Variants in BRD9 observed in about 807,000 individuals in gnomAD.
BRD9 encodes the protein bromodomain-containing protein 9.
BRD9 carries 47 observed loss-of-function variants against 68.7 expected under a neutral mutation model. The ratio of observed to expected loss-of-function variants is 0.68; its 90% CI spans 0.54 to 0.87. The LOEUF (loss-of-function observed/expected upper bound fraction) is 0.87. Among genes scored for constraint, BRD9 ranks in the 40% least tolerant of loss-of-function variants. BRD9 has a pLI of 0.00. For synonymous variants in BRD9, 313 were observed against 293.9 expected, an observed-to-expected ratio of 1.06 and a Z score of -0.67; for missense variants, 670 against 748.4, an observed-to-expected ratio of 0.90 and a Z score of 1.22.
chr5:889,213 A>G, intron 4 of BRD9, 48 bp from the exon 5 acceptor site: 2 of 1,568,368 alleles, frequency 1.3e-6, no homozygotes, highest in African/African-American at 1.4e-5. Flanking sequence ...TTTCTAAATG[A>G]TACAAAATCT....
At chr5:880,701 A>G (rs1751607729) in intron 9 of BRD9, among the ~76,000 whole-genome samples, 1 of 152,196 alleles carries the variant, frequency 6.6e-6, no homozygotes. Context: ...CACTGTCCTG[A>G]CGTCATCATC....
intron 7 of BRD9, among the ~76,000 whole-genome samples, chr5:885,898 G>C (rs797015282): frequency 1.3e-5 from 2 of 152,230 alleles, no homozygotes; most frequent in Admixed American, 6.5e-5. Flanking sequence ...GGAATGACGT[G>C]TGATACGGAC....
At position 891,763 on chromosome 5, in the gene BRD9, G is replaced by T; in HGVS notation, c.144C>A (p.Asp48Glu). The T allele has an allele frequency of 6.4e-7, 1 of 1,551,642 alleles. No individual in the cohort carries two copies. The highest frequency in any genetic ancestry group is 8.7e-7 in the Non-Finnish European group (1 of 1,146,994). Residue 48 changes from aspartate to glutamate, a missense_variant, in exon 2 of 16, where the codon GAC becomes GAA. Physicochemically the swap from Asp to Glu is conservative, Grantham distance 45 (BLOSUM62 2). This residue lies in a region of BRD9 where 161 missense variants were observed against 148.1 expected (regional missense o/e 1.09). Transcript: ENST00000467963. Reference sequence around the variant, plus strand: ...CTGACCTGTCATCATAGTAACTGGAGTCGTGGCCGGATCCTGAGAGTTCAG... The same window carrying T: ...CTGACCTGTCATCATAGTAACTGGATTCGTGGCCGGATCCTGAGAGTTCAG... ...EVTELSGSGH[D>E]SSYYDDRSDH...
In BRD9 at chr5:875,973, C is replaced by T. The variant is rs117475434; in HGVS notation, c.1383+128G>A. ...GTGCAGAGAAGCACGCAGATCCTGA[C>T]GAGGAGCCGGCAGCAGAGTCCCTGC... is the stretch of plus-strand genomic sequence containing the variant. On this transcript the variant is annotated intron_variant, in intron 12 of 15. Coordinates refer to ENST00000467963, the MANE Select transcript of BRD9 (RefSeq NM_023924.5). 321 of 644,110 alleles carry T rather than the reference C, an allele frequency of 5.0e-4. 1 individual carries two copies. In the East Asian group the frequency reaches 7.9e-3, roughly 16 times the overall value. 39.9% of individuals were successfully genotyped at this position (644,110 alleles called of 1,614,324 possible).
intron 6 of BRD9, chr5:887,036 G>T: frequency 1.9e-6 from 1 of 520,022 alleles, no homozygotes; most frequent in Non-Finnish European, 3.4e-6. Flanking sequence ...GGCCAAGGAA[G>T]ACAAGGATGT....
rs1010126964 is a variant in BRD9 at position 892,563 on chromosome 5, C to T, written c.52+43G>A. 21 of 1,530,696 alleles carry T rather than the reference C, an allele frequency of 1.4e-5. No individual in the cohort carries two copies. In the African/African-American group the frequency reaches 2.0e-4, roughly 14 times the overall value. The allele number at this position is 1,530,696 out of a possible 1,614,324, so 94.8% of individuals were successfully genotyped here. On this transcript the variant is annotated intron_variant, in intron 1 of 15. Coordinates refer to ENST00000467963, the MANE Select transcript of BRD9 (RefSeq NM_023924.5). ...GTGCCCGGAACTCCTCCCCCGTGCC[C>T]GGGACCCCGCCCGCCGCGCGTCACA...
chr5:881,360 C>G (rs1030654494), intron 8 of BRD9, 178 bp from the exon 9 acceptor site: 1 of 637,060 alleles, frequency 1.6e-6, no homozygotes, highest in African/African-American at 1.8e-5. Flanking sequence ...CAGCAGAGCG[C>G]GCACAGGTGC....
chr5:880,729 C>A (rs1751612125), intron 9 of BRD9, among the ~76,000 whole-genome samples: 1 of 152,258 alleles, frequency 6.6e-6, no homozygotes, highest in Non-Finnish European at 1.5e-5. Context: ...TCTTCTAAGA[C>A]TGCTTTCCAG....
chr5:885,768 C>A (rs562790975), intron 7 of BRD9, among the ~76,000 whole-genome samples: 1 of 152,218 alleles, frequency 6.6e-6, no homozygotes, highest in Non-Finnish European at 1.5e-5. Flanking sequence ...CTGTGCCAGG[C>A]GCTTCTGCCC....
At chr5:869,386 T>C (rs997882872) in intron 14 of BRD9, 2 of 455,450 alleles carry the variant, frequency 4.4e-6, no homozygotes, top group African/African-American at 4.0e-5. Flanking sequence ...ACGTGATAGA[T>C]GGCAGGCCCT....
chr5:891,024 G>T, intron 3 of BRD9, 131 bp downstream of exon 3: 1 of 1,212,574 alleles, frequency 8.2e-7, no homozygotes, highest in Non-Finnish European at 1.1e-6. Flanking sequence ...GGACACCTGG[G>T]ATGAGGCCCT....
At chr5:869,248 A>C in intron 14 of BRD9, 1 of 453,224 alleles carries the variant, frequency 2.2e-6, no homozygotes, top group South Asian at 1.6e-5. Context: ...GACTTGCCTC[A>C]TTATCCCCTC....
intron 12 of BRD9, among the ~76,000 whole-genome samples, chr5:872,252 G>A (rs561165198): frequency 1.9e-4 from 29 of 152,334 alleles, no homozygotes; most frequent in Admixed American, 7.8e-4. Flanking sequence ...CAATGACATC[G>A]ATTTTCACAA....
At chr5:872,757 T>G (rs528243711) in intron 12 of BRD9, among the ~76,000 whole-genome samples, 2 of 152,322 alleles carry the variant, frequency 1.3e-5, no homozygotes, top group South Asian at 2.1e-4. Flanking sequence ...TCCAGTTACT[T>G]AGATAACTCT....
At chr5:891,532 C>A (rs1753398311) in intron 2 of BRD9, 108 bp downstream of exon 2, 3 of 1,463,174 alleles carry the variant, frequency 2.1e-6, no homozygotes, top group African/African-American at 2.9e-5. Context: ...AACGGAACAC[C>A]CCCTCCCCTC....
chr5:870,112 C>T (rs1455187493), intron 14 of BRD9, among the ~76,000 whole-genome samples: 2 of 152,202 alleles, frequency 1.3e-5, no homozygotes, highest in Non-Finnish European at 2.9e-5. Context: ...GCCTTCTTCC[C>T]AGAGCCTCCA....
intron 11 of BRD9, 56 bp from the exon 12 acceptor site, chr5:876,268 G>A (rs750772662): frequency 2.4e-5 from 33 of 1,377,708 alleles, no homozygotes; most frequent in African/African-American, 7.1e-5. Flanking sequence ...CCTGGCCCTC[G>A]CGGCAGCCCT....
Position 864,387 on chromosome 5 carries a change from GTCCTT to G in BRD9, c.*76_*80del. On this transcript the variant is annotated 3_prime_UTR_variant, in exon 16 of 16. Transcript: ENST00000467963. The stretch of plus-strand genomic sequence containing the variant: ...GCATGCCAAAGGGGACAGGATCAAA[GTCCTT>G]GTCTGATGACAAAAACTCTACACGT... 4.1e-6 allele frequency: 5 copies of G among 1,230,666 alleles called. No homozygotes were observed. The highest frequency in any genetic ancestry group is 5.7e-6 in the Non-Finnish European group (5 of 881,588). The allele number at this position is 1,230,666 out of a possible 1,614,324, so 76.2% of individuals were successfully genotyped here.
At chr5:870,987 A>G (rs1750050377) in intron 13 of BRD9, among the ~76,000 whole-genome samples, 1 of 151,538 alleles carries the variant, frequency 6.6e-6, no homozygotes, top group African/African-American at 2.4e-5. Context: ...GACTACAGCC[A>G]CCCTAACACA....
Sources: allele counts gnomAD v4.1 joint callset (sites outside exome capture counted in the v4.1 genomes callset), GRCh38; gene constraint gnomAD v4.1.1; regional missense constraint gnomAD v4.1.1; transcripts MANE v1.5; gene names NCBI Gene and HGNC (gene_info 2026-07-23, HGNC 2026-07-21).